Variants in ARGLU1 observed in about 807,000 individuals in gnomAD.
ARGLU1 encodes arginine and glutamate rich 1.
ARGLU1 carries 9 observed loss-of-function variants against 37.6 expected under a neutral mutation model. The ratio of observed to expected loss-of-function variants is 0.24; its 90% CI spans 0.14 to 0.42. ARGLU1 has a LOEUF of 0.42. ARGLU1 is among the 10% of genes least tolerant of loss of function. The probability of loss-of-function intolerance (pLI) is 1.00; values close to 1 mark genes in which losing one functional copy is unlikely to be tolerated. For missense variants in ARGLU1, 211 were observed against 359.2 expected, an observed-to-expected ratio of 0.59 and a Z score of 3.34; for synonymous variants, 166 against 138.5, an observed-to-expected ratio of 1.20 and a Z score of -1.39.
rs1880326758 is a variant in ARGLU1 at position 106,543,920 on chromosome 13, C to CA, written c.*75dup. ...CAAATTAAAAAAACAAAAACAAAAA[C>CA]AAAAAACCACTTCAACATGAAGCTA... On this transcript the variant is annotated 3_prime_UTR_variant, in exon 4 of 4. Coordinates refer to ENST00000400198, the MANE Select transcript of ARGLU1 (RefSeq NM_018011.4). 2 of 1,385,820 alleles carry CA rather than the reference C, an allele frequency of 1.4e-6. No homozygotes were observed. The highest frequency in any genetic ancestry group is 9.6e-7 in the Non-Finnish European group (1 of 1,045,144). 85.8% of individuals were successfully genotyped at this position (1,385,820 alleles called of 1,614,324 possible).
chr13:106,567,783 C>G lies in ARGLU1; in HGVS notation c.137G>C (p.Ser46Thr). The G allele has an allele frequency of 6.2e-7, 1 of 1,613,480 alleles. No individual in the cohort carries two copies. The highest frequency in any genetic ancestry group is 8.5e-7 in the Non-Finnish European group (1 of 1,179,710). Residue 46 changes from serine (S) to threonine (T), a missense_variant, in exon 1 of 4, where the codon AGT becomes ACT. Ser to Thr is a moderately conservative substitution (Grantham distance 58). Transcript: ENST00000400198. This position sits in a 1 kb window ranked among gnomAD's most constrained non-coding sequence, Gnocchi z 4.3. ...CGACTCCCGCCGCCGGTTCCGTTTA[C>G]TTTCCCGAGATTTGGAACGCTTCCG... ...RVRKRSKSRE[S>T]KRNRRRESRS...
At chr13:106,564,329 T>C (rs1431919962) in intron 1 of ARGLU1, among the ~76,000 whole-genome samples, 1 of 152,158 alleles carries the variant, frequency 6.6e-6, no homozygotes, top group Admixed American at 6.5e-5. Context: ...ATACATCATC[T>C]CCAATTTTCA....
At chr13:106,544,195 G>A (rs768720047) in intron 3 of ARGLU1, 35 bp from the exon 4 acceptor site, 2 of 1,494,086 alleles carry the variant, frequency 1.3e-6, no homozygotes, top group Non-Finnish European at 1.8e-6. Context: ...TTATAGAAAT[G>A]TATTAAAAAT....
rs892359342 is a variant in ARGLU1 at position 106,543,231 on chromosome 13, A to G, written c.*765T>C. On this transcript the variant is annotated 3_prime_UTR_variant, in exon 4 of 4. Transcript: ENST00000400198. ...CTATGTTAAAAGTATAAACAAGAGG[A>G]AATATAGTTCTAAGACTTCTAAATG... The G allele has an allele frequency of 2.0e-5, 3 of 152,550 alleles. No individual in the cohort carries two copies. Among genetic ancestry groups the G allele is most frequent in the African/African-American group, 7.2e-5 (3 of 41,442 alleles). 9.4% of individuals were successfully genotyped at this position (152,550 alleles called of 1,614,324 possible).
rs866621066 is a variant in ARGLU1, at chr13:106,541,727, A to G, written c.*2269T>C. Reference sequence around the variant, plus strand: ...TAATTCTGCAAACCACAATATGTCAATAACTACATACTGTAATAAAAATAA... The same window carrying G: ...TAATTCTGCAAACCACAATATGTCAGTAACTACATACTGTAATAAAAATAA... On this transcript the variant is annotated 3_prime_UTR_variant, in exon 4 of 4. Transcript: ENST00000400198. 2.0e-5 allele frequency: 3 copies of G among 152,162 alleles called. No homozygotes were observed. The highest frequency in any genetic ancestry group is 2.9e-5 in the Non-Finnish European group (2 of 68,004). The allele number at this position is 152,162 out of a possible 1,614,324, so 9.4% of individuals were successfully genotyped here. A position where few individuals can be genotyped will look rare whatever the true frequency, so the allele number is the denominator to read the frequency against.
chr13:106,560,824 C>T (rs977943381), intron 1 of ARGLU1, among the ~76,000 whole-genome samples: 4 of 152,264 alleles, frequency 2.6e-5, no homozygotes, highest in Admixed American at 6.5e-5. Flanking sequence ...CATTTGACAT[C>T]CATATATATG....
At chr13:106,552,771 A>G (rs1880562704) in intron 3 of ARGLU1, among the ~76,000 whole-genome samples, 1 of 152,244 alleles carries the variant, frequency 6.6e-6, no homozygotes, top group Non-Finnish European at 1.5e-5. Flanking sequence ...TGTGTCGCCA[A>G]CACTAACTCA....
Position 106,567,481 on chromosome 13 carries a change from CTCCCGGCCCGCACCG to C in ARGLU1, c.347+77_347+91del. ...CCAGCCCCGGACCGTCCCCGCCATT[CTCCCGGCCCGCACCG>C]TCCCGCCCCGGCCCCACGCCCTCGC... is the stretch of plus-strand genomic sequence containing the variant. On this transcript the variant is annotated intron_variant, in intron 1 of 3. Coordinates refer to ENST00000400198, the MANE Select transcript of ARGLU1 (RefSeq NM_018011.4). This position sits in a 1 kb window ranked among gnomAD's most constrained non-coding sequence, Gnocchi z 4.3. The C allele has an allele frequency of 4.3e-6, 4 of 921,654 alleles. No individual in the cohort carries two copies. The South Asian group carries it at 4.7e-5, about 11-fold the overall frequency. The allele number at this position is 921,654 out of a possible 1,614,324, so 57.1% of individuals were successfully genotyped here.
At chr13:106,547,284 C>T (rs555972596) in intron 3 of ARGLU1, among the ~76,000 whole-genome samples, 1 of 152,198 alleles carries the variant, frequency 6.6e-6, no homozygotes, top group East Asian at 1.9e-4. Context: ...AAAGAGCACT[C>T]TCACACTATC....
chr13:106,545,448 T>C (rs1880365198), intron 3 of ARGLU1, among the ~76,000 whole-genome samples: 1 of 152,202 alleles, frequency 6.6e-6, no homozygotes, highest in Admixed American at 6.5e-5. Context: ...AATTCAGTGA[T>C]TTTTCTCTTT....
chr13:106,542,256 A>G lies in ARGLU1; in HGVS notation c.*1740T>C, dbSNP rs1880281799. The G allele has an allele frequency of 6.6e-6, 1 of 152,148 alleles. No individual in the cohort carries two copies. The highest frequency in any genetic ancestry group is 2.1e-4 in the South Asian group (1 of 4,834). The allele number at this position is 152,148 out of a possible 1,614,324, so 9.4% of individuals were successfully genotyped here. On this transcript the variant is annotated 3_prime_UTR_variant, in exon 4 of 4. Transcript: ENST00000400198. ...TTAAATAAACATTTCCAAAAACTTG[A>G]ATACAGAACTTAGGAACCATGAATC... is the stretch of plus-strand genomic sequence containing the variant.
At position 106,557,001 on chromosome 13, in the gene ARGLU1, A is replaced by C; in HGVS notation, c.657+47T>G. The C allele has an allele frequency of 6.5e-7, 1 of 1,529,030 alleles. No individual in the cohort carries two copies. Among genetic ancestry groups the C allele is most frequent in the African/African-American group, 1.4e-5 (1 of 73,104 alleles). The allele number at this position is 1,529,030 out of a possible 1,614,324, so 94.7% of individuals were successfully genotyped here. On this transcript the variant is annotated intron_variant, in intron 3 of 3. Transcript: ENST00000400198. This position sits in a 1 kb window ranked among gnomAD's most constrained non-coding sequence, Gnocchi z 5.0. ...TCAATCCACAAAATCCGAAAAAAGG[A>C]AATAAAGCAAAATACAAAACACTTT...
chr13:106,560,571 A>C (rs1246980354), intron 1 of ARGLU1, among the ~76,000 whole-genome samples: 2 of 152,216 alleles, frequency 1.3e-5, no homozygotes, highest in Non-Finnish European at 2.9e-5. Context: ...TTGCGTGTTA[A>C]AATGATATTT....
intron 1 of ARGLU1, among the ~76,000 whole-genome samples, chr13:106,566,141 T>G (rs1880956288): frequency 6.6e-6 from 1 of 152,234 alleles, no homozygotes. Flanking sequence ...AAGGTTTAAT[T>G]TGAAACGATT....
At chr13:106,544,507 T>C (rs1374461717) in intron 3 of ARGLU1, among the ~76,000 whole-genome samples, 1 of 152,154 alleles carries the variant, frequency 6.6e-6, no homozygotes. Flanking sequence ...GGAAAAGCAT[T>C]TACACATTTT....
Position 106,567,822 on chromosome 13 carries a change from T to C in ARGLU1, c.98A>G (p.Asp33Gly). 6.2e-7 allele frequency: 1 copy of C among 1,613,688 alleles called. No homozygotes were observed. The highest frequency in any genetic ancestry group is 1.6e-4 in the Middle Eastern group (1 of 6,062). Residue 33 changes from aspartate to glycine, a missense_variant, in exon 1 of 4, where the codon GAC (aspartate) becomes GGC (glycine). Asp to Gly is a moderately conservative substitution (Grantham distance 94). This residue lies in a region of ARGLU1 where 130 missense variants were observed against 179.8 expected (regional missense o/e 0.72). Coordinates refer to ENST00000400198, the MANE Select transcript of ARGLU1 (RefSeq NM_018011.4). The surrounding 1 kb of genome is among the most constrained non-coding windows in gnomAD (Gnocchi z 4.3). Reference protein sequence around the residue: ...KRSRSRSRSRDKERVRKRSKS... With the variant: ...KRSRSRSRSRGKERVRKRSKS... ...GGAACGCTTCCGCACGCGCTCCTTG[T>C]CCCGGGATCGCGACCGGGACCGGCT...
chr13:106,559,788 A>C, intron 1 of ARGLU1, 131 bp from the exon 2 acceptor site: 1 of 988,188 alleles, frequency 1.0e-6, no homozygotes. Flanking sequence ...ATTCATTTCC[A>C]TGTCACATTT....
intron 3 of ARGLU1, among the ~76,000 whole-genome samples, chr13:106,545,315 C>A (rs1566469869): frequency 6.6e-6 from 1 of 152,200 alleles, no homozygotes; most frequent in Non-Finnish European, 1.5e-5. Flanking sequence ...TGACAGTGAT[C>A]TTAAAACATT....
chr13:106,552,539 G>A (rs889399262), intron 3 of ARGLU1, among the ~76,000 whole-genome samples: 6 of 152,038 alleles, frequency 3.9e-5, no homozygotes, highest in African/African-American at 1.4e-4. Context: ...CAACCTTCTG[G>A]AAGAGTATTT....
Sources: gnomAD v4.1 joint callset for allele counts (sites outside exome capture counted in the v4.1 genomes callset) on GRCh38, gnomAD v4.1.1 for gene constraint, gnomAD v4.1.1 regional missense constraint, Gnocchi (gnomAD v3.1) non-coding constraint, MANE v1.5 for transcripts, NCBI Gene and HGNC (gene_info 2026-07-23, HGNC 2026-07-21) for gene names.